The following NELL1 variants were observed in gnomAD, a reference collection of about 807,000 sequenced individuals.
The protein encoded by NELL1 is neural EGFL like 1, also known as protein kinase C-binding protein NELL1.
NELL1 carries 76 observed loss-of-function variants against 107.4 expected under a neutral mutation model. That is an observed-to-expected ratio of 0.71 (90% confidence interval 0.59 to 0.86). NELL1 has a LOEUF of 0.86. Among genes scored for constraint, NELL1 ranks in the 40% least tolerant of loss-of-function variants. NELL1 has a pLI of 0.00. For missense variants in NELL1, 1,024 were observed against 1,005.5 expected, an observed-to-expected ratio of 1.02 and a Z score of -0.25; for synonymous variants, 353 against 341.2, an observed-to-expected ratio of 1.03 and a Z score of -0.38.
At chr11:21,062,644 C>A (rs1853769249) in intron 12 of NELL1, among the ~76,000 whole-genome samples, 1 of 152,226 alleles carries the variant, frequency 6.6e-6, no homozygotes. Context: ...TACCATTGAT[C>A]CTACAAGCTA....
intron 11 of NELL1, among the ~76,000 whole-genome samples, chr11:20,958,416 A>G (rs1372380798): frequency 6.6e-6 from 1 of 152,206 alleles, no homozygotes; most frequent in Non-Finnish European, 1.5e-5. Context: ...CTGTCTCAAA[A>G]TAACAACAAA....
At chr11:21,540,138 T>C (rs1402831178) in intron 16 of NELL1, among the ~76,000 whole-genome samples, 1 of 152,170 alleles carries the variant, frequency 6.6e-6, no homozygotes, top group African/African-American at 2.4e-5. Flanking sequence ...GTCAGGGTAT[T>C]TGAGGTGTCT....
At chr11:21,077,240 A>G (rs1256640473) in intron 12 of NELL1, among the ~76,000 whole-genome samples, 3 of 152,224 alleles carry the variant, frequency 2.0e-5, no homozygotes, top group Non-Finnish European at 4.4e-5. Flanking sequence ...AAAGACATAG[A>G]GGAAATGCAT....
chr11:21,195,876 C>G (rs528960038), intron 13 of NELL1, among the ~76,000 whole-genome samples: 1 of 152,312 alleles, frequency 6.6e-6, no homozygotes, highest in East Asian at 1.9e-4. Context: ...CCTCAACAAG[C>G]TCACAGTTTA....
At chr11:21,461,808 A>G (rs1440450787) in intron 15 of NELL1, among the ~76,000 whole-genome samples, 1 of 152,116 alleles carries the variant, frequency 6.6e-6, no homozygotes, top group East Asian at 1.9e-4. Context: ...AATGCTAACT[A>G]TTCTAGGGTT....
At chr11:21,178,266 C>G (rs1288935321) in intron 13 of NELL1, among the ~76,000 whole-genome samples, 1 of 151,726 alleles carries the variant, frequency 6.6e-6, no homozygotes, top group African/African-American at 2.4e-5. Context: ...CTGCTAATCA[C>G]TAAATATTTA....
At chr11:20,963,976 G>A (rs972206084) in intron 12 of NELL1, among the ~76,000 whole-genome samples, 2 of 152,118 alleles carry the variant, frequency 1.3e-5, no homozygotes, top group African/African-American at 4.8e-5. Flanking sequence ...AGAGATTGTC[G>A]TAGAAACTGC....
At chr11:20,982,872 A>G (rs1021081889) in intron 12 of NELL1, among the ~76,000 whole-genome samples, 4 of 152,208 alleles carry the variant, frequency 2.6e-5, no homozygotes, top group Non-Finnish European at 4.4e-5. Context: ...AATGATTTCT[A>G]TGGTTAATGA....
intron 14 of NELL1, among the ~76,000 whole-genome samples, chr11:21,336,985 TTAAAC>T (rs1225857444): frequency 6.6e-6 from 1 of 152,034 alleles, no homozygotes; most frequent in African/African-American, 2.4e-5. Context: ...TTATGCTCAG[TTAAAC>T]AATATGTGAC....
intron 4 of NELL1, among the ~76,000 whole-genome samples, chr11:20,866,654 T>C (rs887103065): frequency 1.3e-5 from 2 of 152,204 alleles, no homozygotes; most frequent in Admixed American, 6.5e-5. Context: ...TATTGGAAAT[T>C]TCCTTGGAAG....
At chr11:21,377,931 G>T (rs748614613) in intron 15 of NELL1, among the ~76,000 whole-genome samples, 65 of 151,884 alleles carry the variant, frequency 4.3e-4, no homozygotes, top group Non-Finnish European at 8.7e-4. Context: ...TGACATTTTA[G>T]TTCAGATAAT....
At position 21,415,475 on chromosome 11, in the gene NELL1, G is replaced by A. The variant is rs1418923129; in HGVS notation, c.1645+44527G>A. Among the ~76,000 whole-genome samples the A allele has an allele frequency of 4.6e-5, 7 of 151,986 alleles. No homozygotes were observed. The South Asian group carries it at 1.5e-3, about 32-fold the overall frequency. ...TGATTGACAACTTTCTCTTCTTGTTGATCTGTATGCATCTAGATTAAAAAT... is the reference window on the plus strand; with the variant it reads ...TGATTGACAACTTTCTCTTCTTGTTAATCTGTATGCATCTAGATTAAAAAT... On this transcript the variant is annotated intron_variant, in intron 15 of 19. Coordinates refer to ENST00000357134, the MANE Select transcript of NELL1 (RefSeq NM_006157.5).
chr11:21,496,501 T>C (rs1243792201), intron 15 of NELL1, among the ~76,000 whole-genome samples: 2 of 150,892 alleles, frequency 1.3e-5, no homozygotes, highest in African/African-American at 4.9e-5. Context: ...CCTTCGCCTC[T>C]TGGGTTCAAG....
chr11:20,869,363 C>A (rs530715900), intron 4 of NELL1, among the ~76,000 whole-genome samples: 1 of 152,244 alleles, frequency 6.6e-6, no homozygotes, highest in African/African-American at 2.4e-5. Flanking sequence ...TTGAGTAATT[C>A]TTCAGCTATT....
chr11:21,433,446 A>G (rs1413490901), intron 15 of NELL1, among the ~76,000 whole-genome samples: 1 of 152,102 alleles, frequency 6.6e-6, no homozygotes, highest in African/African-American at 2.4e-5. Flanking sequence ...TTTTTGAGAA[A>G]TCTACATGCT....
intron 15 of NELL1, among the ~76,000 whole-genome samples, chr11:21,484,286 C>G (rs1854572437): frequency 6.6e-6 from 1 of 151,374 alleles, no homozygotes; most frequent in African/African-American, 2.4e-5. Flanking sequence ...TGAAATTCAT[C>G]TCCTTATGCC....
chr11:21,497,615 G>A (rs79931104), intron 15 of NELL1, among the ~76,000 whole-genome samples: 30,009 of 151,742 alleles, frequency 0.2, 3,033 homozygotes, highest in East Asian at 0.28. Flanking sequence ...GCAAAGGCAG[G>A]ATCACTTTCA....
chr11:21,279,353 G>A (rs1848941400), intron 14 of NELL1, among the ~76,000 whole-genome samples: 1 of 152,170 alleles, frequency 6.6e-6, no homozygotes, highest in Non-Finnish European at 1.5e-5. Context: ...GGAGAAAATA[G>A]TTGCAAAAGA....
intron 2 of NELL1, among the ~76,000 whole-genome samples, chr11:20,706,363 T>C (rs1237048057): frequency 6.6e-6 from 1 of 152,046 alleles, no homozygotes; most frequent in African/African-American, 2.4e-5. Context: ...TTCATGTCCT[T>C]TGTAGGGACA....
Sources: gnomAD v4.1 joint callset for allele counts (sites outside exome capture counted in the v4.1 genomes callset) on GRCh38, gnomAD v4.1.1 for gene constraint, MANE v1.5 for transcripts, NCBI Gene and HGNC (gene_info 2026-07-23, HGNC 2026-07-21) for gene names.